The following FRMD5 variants were observed in gnomAD, a reference collection of about 807,000 sequenced individuals.
FRMD5 encodes FERM domain-containing protein 5.
In FRMD5, 20 loss-of-function variants were observed where a neutral mutation model predicts 69.0. The ratio of observed to expected loss-of-function variants is 0.29; its 90% CI spans 0.20 to 0.42. The LOEUF (loss-of-function observed/expected upper bound fraction) is 0.42, where lower values mean the gene tolerates loss of function less well. Among genes scored for constraint, FRMD5 ranks in the 10% least tolerant of loss-of-function variants. The probability of loss-of-function intolerance (pLI) is 1.00; values close to 1 mark genes in which losing one functional copy is unlikely to be tolerated. For synonymous variants in FRMD5, 271 were observed against 260.1 expected, an observed-to-expected ratio of 1.04 and a Z score of -0.40; for missense variants, 595 against 708.6, an observed-to-expected ratio of 0.84 and a Z score of 1.82.
intron 1 of FRMD5, among the ~76,000 whole-genome samples, chr15:43,930,502 C>T (rs549802366): frequency 7.9e-5 from 12 of 152,310 alleles, no homozygotes; most frequent in East Asian, 7.7e-4. Context: ...TGTGGGGCCA[C>T]GTAACCATGT....
At chr15:44,042,912 T>A (rs1201152411) in intron 1 of FRMD5, among the ~76,000 whole-genome samples, 1 of 152,234 alleles carries the variant, frequency 6.6e-6, no homozygotes, top group Non-Finnish European at 1.5e-5. Flanking sequence ...AACATAGTAT[T>A]GGAAGTTCTG....
chr15:43,914,140 T>C (rs1225965609), intron 4 of FRMD5, among the ~76,000 whole-genome samples: 1 of 152,090 alleles, frequency 6.6e-6, no homozygotes, highest in Non-Finnish European at 1.5e-5. Flanking sequence ...CACGAACATC[T>C]CTCCAGGGTA....
chr15:44,000,339 T>A (rs1271787045), intron 1 of FRMD5, among the ~76,000 whole-genome samples: 1 of 152,100 alleles, frequency 6.6e-6, no homozygotes, highest in African/African-American at 2.4e-5. Context: ...AAAAGATTGT[T>A]TCCATTTCTT....
intron 1 of FRMD5, among the ~76,000 whole-genome samples, chr15:44,074,787 G>C (rs1375411290): frequency 6.6e-6 from 1 of 152,192 alleles, no homozygotes. Context: ...TGTTAATGGA[G>C]AAGTTAGTTG....
intron 1 of FRMD5, among the ~76,000 whole-genome samples, chr15:43,961,667 C>G (rs1050825471): frequency 1.3e-4 from 20 of 152,180 alleles, no homozygotes; most frequent in Admixed American, 5.2e-4. Context: ...AAAATACTGG[C>G]AAACCGAATC....
intron 9 of FRMD5, 104 bp from the exon 10 acceptor site, chr15:43,888,370 G>A (rs2140365007): frequency 1.3e-6 from 1 of 742,228 alleles, no homozygotes; most frequent in Non-Finnish European, 2.3e-6. Context: ...CTGGCAGCTG[G>A]CTAGTTAGAG....
intron 1 of FRMD5, among the ~76,000 whole-genome samples, chr15:44,114,457 T>C (rs2076841515): frequency 6.6e-6 from 1 of 152,188 alleles, no homozygotes; most frequent in South Asian, 2.1e-4. Flanking sequence ...ACTGACAAGA[T>C]CTCCACAGGG....
chr15:44,050,528 CTTT>C (rs34133842), intron 1 of FRMD5, among the ~76,000 whole-genome samples: 11 of 93,736 alleles, frequency 1.2e-4, no homozygotes, highest in Admixed American at 2.3e-4. Flanking sequence ...GCCTGGCTCC[CTTT>C]TTTTTTTTTT....
intron 5 of FRMD5, 41 bp from the exon 6 acceptor site, chr15:43,905,992 G>A (rs752301028): frequency 1.9e-6 from 3 of 1,613,072 alleles, no homozygotes; most frequent in Non-Finnish European, 2.5e-6. Context: ...GTGGAGACAG[G>A]TAAATCATCA....
At chr15:44,117,478 G>C (rs1296467005) in intron 1 of FRMD5, among the ~76,000 whole-genome samples, 2 of 152,220 alleles carry the variant, frequency 1.3e-5, no homozygotes. Context: ...TGGGGTAGCG[G>C]AAAGACCTCA....
At chr15:44,070,138 G>A (rs1003497656) in intron 1 of FRMD5, among the ~76,000 whole-genome samples, 2 of 152,022 alleles carry the variant, frequency 1.3e-5, no homozygotes, top group African/African-American at 4.8e-5. Flanking sequence ...GGAATGTGAT[G>A]GCATAAGTGC....
intron 1 of FRMD5, among the ~76,000 whole-genome samples, chr15:44,156,436 G>A (rs1270916780): frequency 6.6e-6 from 1 of 152,234 alleles, no homozygotes; most frequent in Non-Finnish European, 1.5e-5. Flanking sequence ...GGGCCACCTT[G>A]CCCAGCCCGT....
chr15:44,000,940 A>C (rs1890183212), intron 1 of FRMD5, among the ~76,000 whole-genome samples: 1 of 152,104 alleles, frequency 6.6e-6, no homozygotes, highest in South Asian at 2.1e-4. Context: ...CAGCCACCCC[A>C]GTAGCTGGAA....
chr15:44,122,173 G>A (rs150257141), intron 1 of FRMD5, among the ~76,000 whole-genome samples: 231 of 152,084 alleles, frequency 1.5e-3, no homozygotes, highest in Middle Eastern at 3.4e-3. Context: ...TTAACCAAAC[G>A]TAAGCTATTT....
intron 1 of FRMD5, among the ~76,000 whole-genome samples, chr15:44,090,325 T>C (rs2076452993): frequency 6.6e-6 from 1 of 152,194 alleles, no homozygotes; most frequent in African/African-American, 2.4e-5. Flanking sequence ...TCCCAATTGA[T>C]TTGTAACTAT....
chr15:44,038,868 G>A (rs148653716), intron 1 of FRMD5, among the ~76,000 whole-genome samples: 1 of 152,292 alleles, frequency 6.6e-6, no homozygotes, highest in African/African-American at 2.4e-5. Context: ...GGCAGACCAT[G>A]AAATTCCCTC....
chr15:44,166,434 TGG>T (rs1458071740), intron 1 of FRMD5, among the ~76,000 whole-genome samples: 2 of 152,262 alleles, frequency 1.3e-5, no homozygotes, highest in East Asian at 3.9e-4. Flanking sequence ...AATTTTTATG[TGG>T]TATATCTTTG....
At chr15:44,003,462 T>C (rs1172954654) in intron 1 of FRMD5, among the ~76,000 whole-genome samples, 1 of 152,210 alleles carries the variant, frequency 6.6e-6, no homozygotes, top group Non-Finnish European at 1.5e-5. Flanking sequence ...GTTCCCTATT[T>C]CACTCAAGAG....
At chr15:44,178,873 T>C (rs1249803114) in intron 1 of FRMD5, among the ~76,000 whole-genome samples, 2 of 151,944 alleles carry the variant, frequency 1.3e-5, no homozygotes, top group African/African-American at 2.4e-5. Context: ...GCACCTATAG[T>C]CCCAGCTACT....
Sources: gnomAD v4.1 joint callset for allele counts (sites outside exome capture counted in the v4.1 genomes callset) on GRCh38, gnomAD v4.1.1 for gene constraint, MANE v1.5 for transcripts, NCBI Gene and HGNC (gene_info 2026-07-23, HGNC 2026-07-21) for gene names.